The following EYS variants were observed in gnomAD, a reference collection of about 807,000 sequenced individuals.
EYS encodes the protein EGF-like photoreceptor maintenance factor, also known as protein eyes shut homolog.
Under a neutral mutation model 282.1 loss-of-function variants are expected in EYS, and 250 were observed. The ratio of observed to expected loss-of-function variants is 0.89; its 90% CI spans 0.80 to 0.98. The LOEUF (loss-of-function observed/expected upper bound fraction) is 0.98. Ranked by LOEUF, EYS falls within the 50% of genes least tolerant of loss-of-function variation. EYS has a pLI of 0.00. For synonymous variants in EYS, 1,355 were observed against 1,282.9 expected (o/e 1.06, Z -1.20); for missense variants, 4,016 against 3,709.0 (o/e 1.08, Z -2.15).
intron 32 of EYS, among the ~76,000 whole-genome samples, chr6:64,075,068 T>G (rs1003848816): frequency 1.3e-5 from 2 of 151,936 alleles, no homozygotes; most frequent in African/African-American, 4.8e-5. Flanking sequence ...AAAGACTGTT[T>G]GGTTATCTTG....
chr6:64,197,286 A>C (rs2150319939), intron 31 of EYS, among the ~76,000 whole-genome samples: 1 of 152,180 alleles, frequency 6.6e-6, no homozygotes, highest in South Asian at 2.1e-4. Context: ...GTGTGTGTGC[A>C]TTGAAATTTC....
rs536110253 is a variant in EYS, at chr6:65,495,078, G to A, written c.333C>T (p.Phe111=). The change falls in exon 4 of 43, where the codon TTC becomes TTT. Residue 111 remains phenylalanine (F), a synonymous_variant. Transcript: ENST00000503581. ...TTGTGGTATTTTGCACACAGCCAAC[G>A]AAAGATGTTTCAGAAACATTCATCA... ...INLMNVSETS[F]VGCVQNTTTE... is the part of the protein sequence containing the mutation. 20 of 1,614,184 alleles carry A rather than the reference G, an allele frequency of 1.2e-5. No individual in the cohort carries two copies. The African/African-American group carries it at 1.6e-4, about 13-fold the overall frequency.
intron 12 of EYS, among the ~76,000 whole-genome samples, chr6:65,086,834 T>G (rs1434835477): frequency 6.7e-6 from 1 of 148,228 alleles, no homozygotes; most frequent in African/African-American, 2.5e-5. Flanking sequence ...ATATGTGGGT[T>G]TTTTTTTTTT....
At chr6:64,072,018 G>A (rs2149860137) in intron 32 of EYS, among the ~76,000 whole-genome samples, 1 of 151,916 alleles carries the variant, frequency 6.6e-6, no homozygotes, top group Admixed American at 6.6e-5. Flanking sequence ...AGGCACAGAA[G>A]TACGTTTCCC....
At chr6:63,858,447 T>C (rs1334768719) in intron 36 of EYS, among the ~76,000 whole-genome samples, 2 of 152,158 alleles carry the variant, frequency 1.3e-5, no homozygotes, top group Non-Finnish European at 2.9e-5. Context: ...AACCTAACTT[T>C]TTCTCTCTAC....
chr6:65,199,712 G>A (rs897191399), intron 12 of EYS, among the ~76,000 whole-genome samples: 3 of 152,044 alleles, frequency 2.0e-5, no homozygotes, highest in Non-Finnish European at 4.4e-5. Context: ...AGAGATAGTA[G>A]GATTTTCTAA....
At chr6:63,741,381 A>T (rs941828474) in intron 41 of EYS, among the ~76,000 whole-genome samples, 2 of 152,232 alleles carry the variant, frequency 1.3e-5, no homozygotes, top group Non-Finnish European at 2.9e-5. Flanking sequence ...ATGAAGTACC[A>T]TCTGATTTAT....
intron 18 of EYS, among the ~76,000 whole-genome samples, chr6:64,900,472 A>G (rs1049706175): frequency 6.6e-6 from 1 of 152,222 alleles, no homozygotes; most frequent in African/African-American, 2.4e-5. Flanking sequence ...AAATTTTGCA[A>G]TATATCCATC....
At chr6:64,905,689 T>A (rs1032286196) in intron 16 of EYS, among the ~76,000 whole-genome samples, 2 of 152,322 alleles carry the variant, frequency 1.3e-5, no homozygotes, top group African/African-American at 2.4e-5. Context: ...TTTTCTCTTT[T>A]CTAACAAATT....
chr6:63,779,672 A>C (rs1770158481), intron 39 of EYS, among the ~76,000 whole-genome samples: 1 of 152,128 alleles, frequency 6.6e-6, no homozygotes, highest in Admixed American at 6.5e-5. Context: ...TAAGGTCTTT[A>C]AAATGATAAA....
At chr6:65,525,471 A>G (rs1364777956) in intron 2 of EYS, among the ~76,000 whole-genome samples, 1 of 152,276 alleles carries the variant, frequency 6.6e-6, no homozygotes, top group East Asian at 1.9e-4. Context: ...AACTTAACTC[A>G]TGATCTGCTA....
At chr6:64,551,272 G>A (rs1765073150) in intron 26 of EYS, among the ~76,000 whole-genome samples, 3 of 150,510 alleles carry the variant, frequency 2.0e-5, no homozygotes, top group Admixed American at 2.0e-4. Context: ...CTGATTTTAG[G>A]TGAATAAAAA....
chr6:63,817,421 C>T (rs2149684178), intron 36 of EYS, among the ~76,000 whole-genome samples: 1 of 152,288 alleles, frequency 6.6e-6, no homozygotes, highest in East Asian at 1.9e-4. Context: ...GTAATGGGGG[C>T]TGCTCATCAG....
At chr6:64,223,669 A>C (rs989980013) in intron 31 of EYS, among the ~76,000 whole-genome samples, 3 of 152,044 alleles carry the variant, frequency 2.0e-5, no homozygotes, top group Non-Finnish European at 4.4e-5. Flanking sequence ...GAATGATTTT[A>C]ATAATTCTAC....
At chr6:63,877,833 G>T (rs918998405) in intron 35 of EYS, among the ~76,000 whole-genome samples, 12 of 152,074 alleles carry the variant, frequency 7.9e-5, no homozygotes, top group Admixed American at 7.9e-4. Context: ...GTCAATTAAG[G>T]TCTTCTCTAC....
At chr6:64,617,050 A>G (rs1404956198) in intron 24 of EYS, among the ~76,000 whole-genome samples, 1 of 152,158 alleles carries the variant, frequency 6.6e-6, no homozygotes, top group African/African-American at 2.4e-5. Context: ...CCCTGGAAGT[A>G]GTACTATGTC....
intron 13 of EYS, among the ~76,000 whole-genome samples, chr6:65,036,250 A>G (rs150961726): frequency 3.3e-5 from 5 of 152,034 alleles, no homozygotes; most frequent in Non-Finnish European, 5.9e-5. Context: ...TATTCAATAA[A>G]CGGTGCTGAG....
chr6:63,862,025 G>T (rs547375366), intron 36 of EYS, among the ~76,000 whole-genome samples: 1 of 152,052 alleles, frequency 6.6e-6, no homozygotes, highest in African/African-American at 2.4e-5. Flanking sequence ...TTTCCTCAGG[G>T]TCTTCCATTT....
At chr6:64,743,582 T>C (rs981184550) in intron 22 of EYS, among the ~76,000 whole-genome samples, 7 of 152,156 alleles carry the variant, frequency 4.6e-5, no homozygotes, top group African/African-American at 1.7e-4. Context: ...GTATCTGCAG[T>C]TATTTTACAG....
Sources: gnomAD v4.1 joint callset for allele counts (sites outside exome capture counted in the v4.1 genomes callset) on GRCh38, gnomAD v4.1.1 for gene constraint, MANE v1.5 for transcripts, NCBI Gene and HGNC (gene_info 2026-07-23, HGNC 2026-07-21) for gene names.